TBC1D5: variants seen among roughly 807,000 people sequenced by gnomAD.
The protein encoded by TBC1D5 is TBC1 domain family, member 5.
Under a neutral mutation model 100.3 loss-of-function variants are expected in TBC1D5, and 75 were observed. The ratio of observed to expected loss-of-function variants is 0.75; its 90% CI spans 0.62 to 0.91. The LOEUF is 0.91. Among genes scored for constraint, TBC1D5 ranks in the 40% least tolerant of loss-of-function variants. The pLI, the probability that TBC1D5 is intolerant of heterozygous loss-of-function variation, is 0.00. For missense variants in TBC1D5, 910 were observed against 942.4 expected (o/e 0.97, Z 0.45); for synonymous variants, 323 against 325.6 (o/e 0.99, Z 0.09).
chr3:17,672,193 T>G (rs192126011), intron 1 of TBC1D5, among the ~76,000 whole-genome samples: 72 of 152,316 alleles, frequency 4.7e-4, no homozygotes, highest in Non-Finnish European at 9.4e-4. Context: ...CATGATTTTT[T>G]GCAAAATATA....
intron 10 of TBC1D5, among the ~76,000 whole-genome samples, 171 bp from the exon 11 acceptor site, chr3:17,374,850 A>T (rs55649567): frequency 0.027 from 4,151 of 152,280 alleles, 79 homozygotes; most frequent in Middle Eastern, 0.048. Context: ...TTCTTTCTAT[A>T]AAGATCAAAA....
intron 16 of TBC1D5, among the ~76,000 whole-genome samples, 188 bp from the exon 17 acceptor site, chr3:17,238,607 C>A (rs571762369): frequency 1.3e-5 from 2 of 152,236 alleles, no homozygotes; most frequent in Non-Finnish European, 2.9e-5. Context: ...AAAAACATAG[C>A]TTATGGAAAA....
intron 2 of TBC1D5, among the ~76,000 whole-genome samples, chr3:17,590,693 T>C (rs2096761027): frequency 6.6e-6 from 1 of 152,104 alleles, no homozygotes; most frequent in African/African-American, 2.4e-5. Context: ...TGGGAACAGT[T>C]GGATCCCGAG....
intron 21 of TBC1D5, among the ~76,000 whole-genome samples, chr3:17,165,206 G>A (rs2066470422): frequency 6.6e-6 from 1 of 152,182 alleles, no homozygotes; most frequent in African/African-American, 2.4e-5. Context: ...GTGGTCATTG[G>A]TAGGTTCTTA....
intron 19 of TBC1D5, among the ~76,000 whole-genome samples, chr3:17,177,810 A>T (rs2067956330): frequency 6.6e-6 from 1 of 152,086 alleles, no homozygotes; most frequent in Admixed American, 6.5e-5. Context: ...AGATATTTTG[A>T]TACGGGCATG....
intron 1 of TBC1D5, among the ~76,000 whole-genome samples, chr3:17,701,811 A>G (rs1299456340): frequency 6.6e-6 from 1 of 152,094 alleles, no homozygotes; most frequent in African/African-American, 2.4e-5. Context: ...AAATCCACCA[A>G]AATTACTAGA....
intron 2 of TBC1D5, among the ~76,000 whole-genome samples, chr3:17,527,988 G>C (rs1357048355): frequency 6.6e-6 from 1 of 150,812 alleles, no homozygotes; most frequent in Non-Finnish European, 1.5e-5. Context: ...CTATAGGTTT[G>C]AACGTTGGAT....
intron 1 of TBC1D5, among the ~76,000 whole-genome samples, chr3:17,696,499 GAAGA>G (rs2072106718): frequency 6.6e-6 from 1 of 152,132 alleles, no homozygotes; most frequent in Non-Finnish European, 1.5e-5. Flanking sequence ...AGAAAATCTA[GAAGA>G]AATAGATGAA....
At chr3:17,351,809 A>T (rs556032225) in intron 13 of TBC1D5, among the ~76,000 whole-genome samples, 1 of 110,442 alleles carries the variant, frequency 9.1e-6, no homozygotes, top group African/African-American at 4.4e-5. Context: ...AAGAGAAAAG[A>T]AAGGAAAAAA....
chr3:17,484,780 G>A (rs1423569163), intron 3 of TBC1D5, among the ~76,000 whole-genome samples: 5 of 151,966 alleles, frequency 3.3e-5, no homozygotes, highest in African/African-American at 7.3e-5. Context: ...CACTAGGCCC[G>A]ACCTTAAAAC....
chr3:17,707,292 G>A (rs2074277719), intron 1 of TBC1D5, among the ~76,000 whole-genome samples: 1 of 151,622 alleles, frequency 6.6e-6, no homozygotes, highest in Non-Finnish European at 1.5e-5. Context: ...TGTTCTGGGG[G>A]AAAAAAAGCT....
chr3:17,494,926 TCCC>T (rs2095686916), intron 3 of TBC1D5, among the ~76,000 whole-genome samples: 1 of 152,184 alleles, frequency 6.6e-6, no homozygotes, highest in Non-Finnish European at 1.5e-5. Flanking sequence ...GATACCCTGA[TCCC>T]TGGGTTGCAC....
intron 4 of TBC1D5, among the ~76,000 whole-genome samples, chr3:17,418,776 T>G (rs1185844957): frequency 6.6e-6 from 1 of 152,192 alleles, no homozygotes; most frequent in Non-Finnish European, 1.5e-5. Flanking sequence ...AAGGGCATAA[T>G]TTTGTCACTG....
At chr3:17,491,245 T>C (rs772904211) in intron 3 of TBC1D5, among the ~76,000 whole-genome samples, 1 of 152,214 alleles carries the variant, frequency 6.6e-6, no homozygotes, top group Non-Finnish European at 1.5e-5. Flanking sequence ...TAGGATCATG[T>C]ATATCTGCAT....
chr3:17,169,328 GA>G (rs1170701288), intron 19 of TBC1D5, among the ~76,000 whole-genome samples: 1 of 152,142 alleles, frequency 6.6e-6, no homozygotes, highest in African/African-American at 2.4e-5. Flanking sequence ...AAATGAACAT[GA>G]AAAAACACAC....
intron 1 of TBC1D5, among the ~76,000 whole-genome samples, chr3:17,704,843 C>T (rs2073810415): frequency 9.3e-6 from 1 of 107,234 alleles, no homozygotes; most frequent in Non-Finnish European, 1.9e-5. Flanking sequence ...CCCCACCTCC[C>T]TCCCGGACAG....
At chr3:17,275,444 T>C (rs776349816) in intron 15 of TBC1D5, among the ~76,000 whole-genome samples, 1 of 151,994 alleles carries the variant, frequency 6.6e-6, no homozygotes, top group Non-Finnish European at 1.5e-5. Flanking sequence ...CGGGAGGTTA[T>C]GGGGAGGACC....
At chr3:17,717,281 A>G (rs1289173403) in intron 1 of TBC1D5, among the ~76,000 whole-genome samples, 2 of 150,846 alleles carry the variant, frequency 1.3e-5, no homozygotes, top group African/African-American at 4.9e-5. Context: ...GGGGGTGGCT[A>G]AAGCAACATG....
chr3:17,489,580 T>C (rs1266542162), intron 3 of TBC1D5, among the ~76,000 whole-genome samples: 1 of 152,134 alleles, frequency 6.6e-6, no homozygotes, highest in East Asian at 1.9e-4. Flanking sequence ...CATCTACTGT[T>C]TGGTTTTCTG....
Sources: allele counts gnomAD v4.1 joint callset (sites outside exome capture counted in the v4.1 genomes callset), GRCh38; gene constraint gnomAD v4.1.1; transcripts MANE v1.5; gene names NCBI Gene and HGNC (gene_info 2026-07-23, HGNC 2026-07-21).